NOTCH3: variants seen among roughly 807,000 people sequenced by gnomAD.
NOTCH3 encodes notch receptor 3.
In NOTCH3, 86 loss-of-function variants were observed where a neutral mutation model predicts 213.3. The ratio of observed to expected loss-of-function variants is 0.40; its 90% CI spans 0.34 to 0.48. The LOEUF (loss-of-function observed/expected upper bound fraction) is 0.48. NOTCH3 is among the 20% of genes least tolerant of loss of function. NOTCH3 has a pLI of 0.57. For missense variants in NOTCH3, 2,783 were observed against 3,272.6 expected (o/e 0.85, Z 3.65); for synonymous variants, 1,354 against 1,355.9 (o/e 1.00, Z 0.03).
intron 6 of NOTCH3, among the ~76,000 whole-genome samples, chr19:15,190,826 A>G (rs1226539780): frequency 1.3e-5 from 2 of 152,104 alleles, no homozygotes; most frequent in African/African-American, 2.4e-5. Context: ...AGCTCAAGCA[A>G]TCTACCCGCC....
At chr19:15,177,436 T>A in intron 24 of NOTCH3, 89 bp downstream of exon 24, 1 of 1,208,362 alleles carries the variant, frequency 8.3e-7, no homozygotes, top group South Asian at 1.3e-5. Context: ...GGCAAGTGGA[T>A]GGGCAGGTGG....
chr19:15,192,493 C>G lies in NOTCH3; in HGVS notation c.224G>C (p.Arg75Pro), dbSNP rs145069047. The change falls in exon 3 of 33, where the codon CGG (arginine) becomes CCG (proline). Residue 75 changes from arginine to proline, a missense_variant. Physicochemically the swap from Arg to Pro is moderately radical, Grantham distance 103. Transcript: ENST00000263388. ...GTGACAGGGGTCCTCCAGCTGACAC[C>G]GCTCACCCACCCAGCCAGGCGGGCA... The part of the protein sequence containing the change: ...CLCPPGWVGE[R>P]CQLEDPCHSG... The G allele has an allele frequency of 5.6e-6, 9 of 1,600,058 alleles. No homozygotes were observed. The East Asian group carries it at 2.0e-4, about 36-fold the overall frequency.
chr19:15,192,101 A>T lies in NOTCH3; in HGVS notation c.538T>A (p.Ser180Thr). The change falls in exon 4 of 33, where the codon TCC becomes ACC. Residue 180 changes from serine to threonine, a missense_variant. Physicochemically the swap from Ser to Thr is moderately conservative, Grantham distance 58. Around this residue, in one of 6 missense-constraint regions of NOTCH3, gnomAD observed 708 missense variants for 906.6 expected, o/e 0.78. Transcript: ENST00000263388. ...CCAGCTGGACACTGGCAGCGGAAGG[A>T]GCCAGGTGTGTTGAGGCAGGTGCCA... ...HGGTCLNTPG[S>T]FRCQCPAGYT... 1 of 1,613,122 alleles carries T rather than the reference A, an allele frequency of 6.2e-7. No homozygotes were observed. The highest frequency in any genetic ancestry group is 1.6e-4 in the Middle Eastern group (1 of 6,062).
rs2074616 is a variant in NOTCH3, at chr19:15,184,180, C to T, written c.2566+115G>A. 0.84 allele frequency: 925,375 copies of T among 1,102,058 alleles called. 391,411 individuals are homozygous for T. Among genetic ancestry groups the T allele is most frequent in the East Asian group, 0.87 (33,776 of 38,774 alleles). The allele number at this position is 1,102,058 out of a possible 1,614,324, so 68.3% of individuals were successfully genotyped here. ...GGCCTCAGTTTCCATATAAATAAAA[C>T]GGGAAAAGTAAGATAACTGTGAAGA... On this transcript the variant is annotated intron_variant, in intron 16 of 32. Transcript: ENST00000263388.
intron 31 of NOTCH3, among the ~76,000 whole-genome samples, chr19:15,164,848 A>G (rs933268726): frequency 6.6e-6 from 1 of 151,820 alleles, no homozygotes; most frequent in African/African-American, 2.4e-5. Flanking sequence ...CAGGGGCACA[A>G]TCACGGCTCA....
rs781238683 is a variant in NOTCH3 at position 15,192,445 on chromosome 19, C to A, written c.272G>T (p.Gly91Val). 1.2e-6 allele frequency: 2 copies of A among 1,612,696 alleles called. No individual in the cohort carries two copies. Among genetic ancestry groups the A allele is most frequent in the East Asian group, 2.2e-5 (1 of 44,882 alleles). ...PCHSGPCAGR[G>V]VCQSSVVAGT... The stretch of plus-strand genomic sequence containing the variant: ...AGCCACCACTGAACTCTGGCAGACA[C>A]CACGGCCAGCACAGGGGCCTGAGTG... The change falls in exon 3 of 33, where the codon GGT becomes GTT. Residue 91 changes from glycine to valine, a missense_variant. Around this residue, in one of 6 missense-constraint regions of NOTCH3, gnomAD observed 708 missense variants for 906.6 expected, o/e 0.78. Coordinates refer to ENST00000263388, the MANE Select transcript of NOTCH3 (RefSeq NM_000435.3).
chr19:15,194,540 G>T (rs1456386839), intron 2 of NOTCH3, among the ~76,000 whole-genome samples: 2 of 152,212 alleles, frequency 1.3e-5, no homozygotes, highest in Non-Finnish European at 2.9e-5. Context: ...AGGGTTAAGG[G>T]GGATAGAATG....
intron 2 of NOTCH3, 53 bp downstream of exon 2, chr19:15,197,446 TC>T (rs974383255): frequency 8.1e-5 from 38 of 468,618 alleles, no homozygotes; most frequent in Admixed American, 1.3e-4. Flanking sequence ...AAATCGCCCC[TC>T]CCCCCCGCCC....
intron 31 of NOTCH3, 42 bp from the exon 32 acceptor site, chr19:15,162,604 C>T (rs980232459): frequency 6.5e-7 from 1 of 1,532,076 alleles, no homozygotes; most frequent in Non-Finnish European, 9.0e-7. Flanking sequence ...AGGCACCTGT[C>T]CTGGGGCCCC....
intron 28 of NOTCH3, among the ~76,000 whole-genome samples, chr19:15,169,331 C>T (rs1309663129): frequency 2.0e-5 from 3 of 152,184 alleles, no homozygotes; most frequent in Non-Finnish European, 4.4e-5. Context: ...GCCCTGACAG[C>T]ACCTTGGGCT....
intron 24 of NOTCH3, among the ~76,000 whole-genome samples, chr19:15,175,004 G>A (rs2046775863): frequency 6.6e-6 from 1 of 152,046 alleles, no homozygotes; most frequent in Admixed American, 6.6e-5. Context: ...TCCCTCTTCA[G>A]CCTCCCAAGT....
chr19:15,176,609 A>C (rs1483188313), intron 24 of NOTCH3, among the ~76,000 whole-genome samples: 2 of 151,942 alleles, frequency 1.3e-5, no homozygotes. Flanking sequence ...GAAAAAGCAC[A>C]AAAGTTACCC....
chr19:15,178,203 G>C, intron 23 of NOTCH3, 113 bp from the exon 24 acceptor site: 72 of 618,640 alleles, frequency 1.2e-4, no homozygotes, highest in Non-Finnish European at 1.7e-4. Context: ...AGAGGGGGAA[G>C]AGAAGAGGTC....
chr19:15,170,594 G>T lies in NOTCH3; in HGVS notation c.4892-41C>A, dbSNP rs535811381. ...AGAGGGCGGGGCTTCAGCCGAGGGC[G>T]GGGCTTTGGCCTCAGGCGGGGCTTC... On this transcript the variant is annotated intron_variant, in intron 26 of 32. Coordinates refer to ENST00000263388, the MANE Select transcript of NOTCH3 (RefSeq NM_000435.3). 3.8e-6 allele frequency: 6 copies of T among 1,590,462 alleles called. No homozygotes were observed. In the East Asian group the frequency reaches 1.4e-4, roughly 36 times the overall value.
chr19:15,183,292 T>G (rs1176452697), intron 16 of NOTCH3, among the ~76,000 whole-genome samples: 6 of 152,118 alleles, frequency 3.9e-5, no homozygotes, highest in African/African-American at 1.4e-4. Flanking sequence ...AAATTTAATA[T>G]CTCCCATTTC....
At chr19:15,193,603 C>CA (rs768557412) in intron 2 of NOTCH3, among the ~76,000 whole-genome samples, 19 of 148,874 alleles carry the variant, frequency 1.3e-4, no homozygotes, top group East Asian at 1.0e-3. Context: ...TTTTTTTCCA[C>CA]AAAAAAAAAT....
intron 2 of NOTCH3, among the ~76,000 whole-genome samples, chr19:15,195,709 C>G (rs1011914452): frequency 1.3e-5 from 2 of 151,770 alleles, no homozygotes; most frequent in African/African-American, 2.4e-5. Flanking sequence ...ACTGCGGCCC[C>G]GACCGCGCGT....
At chr19:15,177,400 G>C (rs1337082748) in intron 24 of NOTCH3, 125 bp downstream of exon 24, 7 of 835,476 alleles carry the variant, frequency 8.4e-6, no homozygotes, top group Non-Finnish European at 1.4e-5. Flanking sequence ...CCGATGGGCA[G>C]ATAGAGTGCA....
chr19:15,159,455 A>C lies in NOTCH3; in HGVS notation c.*1207T>G, dbSNP rs2046622050. Reference sequence around the variant, plus strand: ...CAAAAGAATCTGATTGGCTCAGCTTAAGTCAGGTGACAACCACTAATCCAA... The same window carrying C: ...CAAAAGAATCTGATTGGCTCAGCTTCAGTCAGGTGACAACCACTAATCCAA... On this transcript the variant is annotated 3_prime_UTR_variant, in exon 33 of 33. Coordinates refer to ENST00000263388, the MANE Select transcript of NOTCH3 (RefSeq NM_000435.3). 5.3e-6 allele frequency: 1 copy of C among 187,284 alleles called. No homozygotes were observed. The allele number at this position is 187,284 out of a possible 1,614,324, so 11.6% of individuals were successfully genotyped here.
Sources: gnomAD v4.1 joint callset for allele counts (sites outside exome capture counted in the v4.1 genomes callset) on GRCh38, gnomAD v4.1.1 for gene constraint, gnomAD v4.1.1 regional missense constraint, MANE v1.5 for transcripts, NCBI Gene and HGNC (gene_info 2026-07-23, HGNC 2026-07-21) for gene names.